STK24: variants seen among roughly 807,000 people sequenced by gnomAD.
STK24 encodes serine/threonine kinase 24.
Under a neutral mutation model 55.6 loss-of-function variants are expected in STK24, and 21 were observed. That is an observed-to-expected ratio of 0.38 (90% confidence interval 0.27 to 0.54). The LOEUF (loss-of-function observed/expected upper bound fraction) is 0.54, where lower values mean the gene tolerates loss of function less well. Among genes scored for constraint, STK24 ranks in the 20% least tolerant of loss-of-function variants. STK24 has a pLI of 0.79. For synonymous variants in STK24, 200 were observed against 215.2 expected, an observed-to-expected ratio of 0.93 and a Z score of 0.62; for missense variants, 383 against 538.4, an observed-to-expected ratio of 0.71 and a Z score of 2.86.
At chr13:98,466,337 G>C in intron 6 of STK24, 39 bp downstream of exon 6, 1 of 1,595,632 alleles carries the variant, frequency 6.3e-7, no homozygotes, top group Non-Finnish European at 8.5e-7. Context: ...AAGTCAAGCC[G>C]CACATGAAGA....
At chr13:98,544,809 T>G (rs761004939) in intron 1 of STK24, among the ~76,000 whole-genome samples, 30 of 152,162 alleles carry the variant, frequency 2.0e-4, no homozygotes, top group Non-Finnish European at 3.2e-4. Context: ...CGGAGCACCT[T>G]TTAAGTCTCC....
intron 8 of STK24, 119 bp downstream of exon 8, chr13:98,461,655 A>C: frequency 7.0e-7 from 1 of 1,433,662 alleles, no homozygotes; most frequent in Non-Finnish European, 9.6e-7. Flanking sequence ...TAGCAACAAA[A>C]TTCCAGGACA....
intron 2 of STK24, among the ~76,000 whole-genome samples, chr13:98,518,259 C>T (rs1896137518): frequency 6.6e-6 from 1 of 152,166 alleles, no homozygotes. Context: ...CTGACTTACA[C>T]CTTACTGTAT....
chr13:98,498,946 G>A (rs760959971), intron 2 of STK24, among the ~76,000 whole-genome samples: 5 of 151,656 alleles, frequency 3.3e-5, no homozygotes, highest in East Asian at 1.9e-4. Context: ...CATCCTCAAC[G>A]GTTCCTTTGA....
intron 1 of STK24, chr13:98,543,117 C>G (rs187212097): frequency 3.2e-6 from 2 of 633,790 alleles, no homozygotes; most frequent in African/African-American, 3.9e-5. Flanking sequence ...GGAGACCAGT[C>G]ATGCCATCCT....
intron 2 of STK24, among the ~76,000 whole-genome samples, chr13:98,495,665 A>C (rs1284332047): frequency 6.6e-6 from 1 of 152,254 alleles, no homozygotes; most frequent in East Asian, 1.9e-4. Context: ...CAGTGTGTTC[A>C]GCAGAGAGAA....
chr13:98,574,171 C>T lies in STK24; in HGVS notation c.42+2574G>A, dbSNP rs139796466. Among the ~76,000 whole-genome samples the T allele has an allele frequency of 2.9e-3, 449 of 152,210 alleles. 2 individuals are homozygous for T. Among genetic ancestry groups the T allele is most frequent in the African/African-American group, 1.0e-2 (414 of 41,526 alleles). ...GGATTACAGGCGTGTGCCACCACGCCCAGCTAATTTTTTGGATTTTTAGTA... is the reference window on the plus strand; with the variant it reads ...GGATTACAGGCGTGTGCCACCACGCTCAGCTAATTTTTTGGATTTTTAGTA... On this transcript the variant is annotated intron_variant, in intron 1 of 10. Coordinates refer to ENST00000539966, the MANE Select transcript of STK24 (RefSeq NM_001032296.4).
intron 6 of STK24, among the ~76,000 whole-genome samples, chr13:98,464,457 G>A (rs1423110758): frequency 1.2e-4 from 18 of 148,752 alleles, no homozygotes; most frequent in Admixed American, 6.7e-5. Flanking sequence ...AATACTTTAT[G>A]ACAAATGCTG....
At chr13:98,546,422 T>C (rs767484097) in intron 1 of STK24, among the ~76,000 whole-genome samples, 4 of 151,942 alleles carry the variant, frequency 2.6e-5, no homozygotes, top group Non-Finnish European at 4.4e-5. Flanking sequence ...TAATTTTGCT[T>C]TAAAAAAAAA....
intron 2 of STK24, among the ~76,000 whole-genome samples, chr13:98,512,784 A>C (rs760250124): frequency 1.1e-4 from 17 of 152,204 alleles, no homozygotes; most frequent in Non-Finnish European, 2.1e-4. Flanking sequence ...ATAATGTCTC[A>C]GGGAATATTA....
chr13:98,490,190 C>T (rs1894965302), intron 2 of STK24, among the ~76,000 whole-genome samples: 1 of 152,194 alleles, frequency 6.6e-6, no homozygotes, highest in South Asian at 2.1e-4. Flanking sequence ...ATTCAGCAAG[C>T]CAGCTGCTTC....
In STK24 at chr13:98,576,864, C is replaced by A; in HGVS notation, c.-78G>T. 2 of 961,628 alleles carry A rather than the reference C, an allele frequency of 2.1e-6. No homozygotes were observed. The highest frequency in any genetic ancestry group is 4.7e-5 in the South Asian group (1 of 21,448). The allele number at this position is 961,628 out of a possible 1,614,324, so 59.6% of individuals were successfully genotyped here. Reference sequence around the variant, plus strand: ...GCGCGGGGCGGCGAGGCCCGCGGGCCGCGCGCAGCCCTCGGGCGGCGGGGC... The same window carrying A: ...GCGCGGGGCGGCGAGGCCCGCGGGCAGCGCGCAGCCCTCGGGCGGCGGGGC... On this transcript the variant is annotated 5_prime_UTR_variant, in exon 1 of 11. Coordinates refer to ENST00000539966, the MANE Select transcript of STK24 (RefSeq NM_001032296.4).
chr13:98,554,005 T>A (rs1169022848), intron 1 of STK24, among the ~76,000 whole-genome samples: 3 of 147,816 alleles, frequency 2.0e-5, no homozygotes, highest in Admixed American at 6.9e-5. Context: ...GAGGCTGCAG[T>A]GAGCCGAGAT....
intron 2 of STK24, among the ~76,000 whole-genome samples, chr13:98,494,509 G>T: frequency 6.6e-6 from 1 of 151,226 alleles, no homozygotes; most frequent in Non-Finnish European, 1.5e-5. Flanking sequence ...AAATGCATGG[G>T]TGACAAATTC....
intron 1 of STK24, chr13:98,522,055 G>A: frequency 7.2e-7 from 1 of 1,392,464 alleles, no homozygotes; most frequent in Admixed American, 3.1e-5. Context: ...ATCTGGACCT[G>A]CCCGGTCCTC....
intron 3 of STK24, 36 bp downstream of exon 3, chr13:98,482,229 C>A: frequency 1.6e-6 from 2 of 1,270,132 alleles, no homozygotes; most frequent in South Asian, 1.5e-5. Flanking sequence ...TGAGAAAAAG[C>A]TTTGATACGT....
chr13:98,568,317 C>CA (rs1357661898), intron 1 of STK24, among the ~76,000 whole-genome samples: 2 of 151,856 alleles, frequency 1.3e-5, no homozygotes, highest in African/African-American at 4.8e-5. Flanking sequence ...TAACTTAACT[C>CA]ACAGTGCTGG....
At chr13:98,500,698 G>A (rs1321159341) in intron 2 of STK24, among the ~76,000 whole-genome samples, 1 of 128,500 alleles carries the variant, frequency 7.8e-6, no homozygotes, top group Non-Finnish European at 1.6e-5. Context: ...CCCACACCTC[G>A]CCCCTTCCTT....
chr13:98,461,937 C>A, intron 7 of STK24, 40 bp from the exon 8 acceptor site: 9 of 1,608,292 alleles, frequency 5.6e-6, no homozygotes, highest in Non-Finnish European at 7.7e-6. Context: ...AGTGCTCGCA[C>A]ACCTGCTCTG....
Sources: allele counts gnomAD v4.1 joint callset (sites outside exome capture counted in the v4.1 genomes callset), GRCh38; gene constraint gnomAD v4.1.1; transcripts MANE v1.5; gene names NCBI Gene and HGNC (gene_info 2026-07-23, HGNC 2026-07-21).